Variants in BTBD9 observed in about 807,000 individuals in gnomAD.
BTBD9 encodes the protein BTB/POZ domain-containing protein 9.
Under a neutral mutation model 64.3 loss-of-function variants are expected in BTBD9, and 49 were observed. The ratio of observed to expected loss-of-function variants is 0.76; its 90% CI spans 0.61 to 0.97. The LOEUF (loss-of-function observed/expected upper bound fraction) is 0.97. Ranked by LOEUF, BTBD9 falls within the 50% of genes least tolerant of loss-of-function variation. The pLI, the probability that BTBD9 is intolerant of heterozygous loss-of-function variation, is 0.00. For missense variants in BTBD9, 598 were observed against 762.1 expected, an observed-to-expected ratio of 0.78 and a Z score of 2.53; for synonymous variants, 260 against 274.7, an observed-to-expected ratio of 0.95 and a Z score of 0.53.
At chr6:38,304,113 A>G (rs1299284876) in intron 7 of BTBD9, among the ~76,000 whole-genome samples, 2 of 151,776 alleles carry the variant, frequency 1.3e-5, no homozygotes, top group African/African-American at 2.4e-5. Flanking sequence ...ATGTATATAT[A>G]TCAGTGATAT....
chr6:38,224,611 T>C (rs1039694795), intron 9 of BTBD9, among the ~76,000 whole-genome samples: 1 of 152,112 alleles, frequency 6.6e-6, no homozygotes, highest in African/African-American at 2.4e-5. Flanking sequence ...AAACCACACA[T>C]GAAGAGTAAA....
rs1380387556 is a variant in BTBD9, at chr6:38,171,212, A to C, written c.*3773T>G. On this transcript the variant is annotated 3_prime_UTR_variant, in exon 11 of 11. Transcript: ENST00000481247. Reference sequence around the variant, plus strand: ...TATCTTCTAAATTAAAAAGAAGGTGAAGTTGACTGGGCTGGAGCCATCTGC... The same window carrying C: ...TATCTTCTAAATTAAAAAGAAGGTGCAGTTGACTGGGCTGGAGCCATCTGC... 3 of 152,220 alleles carry C rather than the reference A, an allele frequency of 2.0e-5. No individual in the cohort carries two copies. The highest frequency in any genetic ancestry group is 7.2e-5 in the African/African-American group (3 of 41,444). 9.4% of individuals were successfully genotyped at this position (152,220 alleles called of 1,614,324 possible). A position where few individuals can be genotyped will look rare whatever the true frequency, so the allele number is the denominator to read the frequency against.
Position 38,311,853 on chromosome 6 carries a change from C to T in BTBD9, c.1265-23392G>A, listed in dbSNP as rs60972986. 6.1e-3 allele frequency among the ~76,000 whole-genome samples: 922 copies of T among 151,976 alleles called. 9 individuals carry two copies. The highest frequency in any genetic ancestry group is 0.021 in the African/African-American group (873 of 41,496). On this transcript the variant is annotated intron_variant, in intron 7 of 10. Coordinates refer to ENST00000481247, the MANE Select transcript of BTBD9 (RefSeq NM_001099272.2). ...ATCAATAATTTAGAGTACCTGAGCACCTTTTCTTTTTTATTTTTATTTTTT... is the reference window on the plus strand; with the variant it reads ...ATCAATAATTTAGAGTACCTGAGCATCTTTTCTTTTTTATTTTTATTTTTT...
intron 7 of BTBD9, among the ~76,000 whole-genome samples, chr6:38,292,218 C>A (rs1761990303): frequency 6.6e-6 from 1 of 152,196 alleles, no homozygotes; most frequent in Non-Finnish European, 1.5e-5. Flanking sequence ...CCAGCCTCAG[C>A]CTCCCAAAGT....
intron 10 of BTBD9, among the ~76,000 whole-genome samples, chr6:38,177,706 GT>G (rs1561834909): frequency 1.3e-5 from 2 of 152,176 alleles, no homozygotes; most frequent in African/African-American, 2.4e-5. Context: ...CGGTGCCCTG[GT>G]TCTCATTGTT....
intron 1 of BTBD9, among the ~76,000 whole-genome samples, chr6:38,605,574 TC>T (rs1777404309): frequency 6.6e-6 from 1 of 152,146 alleles, no homozygotes; most frequent in Non-Finnish European, 1.5e-5. Context: ...TTAATTAAAT[TC>T]TCTCTCACAA....
chr6:38,312,793 C>G (rs73422833), intron 7 of BTBD9, among the ~76,000 whole-genome samples: 14,130 of 152,190 alleles, frequency 0.093, 1,577 homozygotes, highest in East Asian at 0.4. Flanking sequence ...GCACCATCCT[C>G]TTTTGGTTAC....
chr6:38,423,266 C>T (rs527695383), intron 6 of BTBD9, among the ~76,000 whole-genome samples: 3 of 151,912 alleles, frequency 2.0e-5, no homozygotes, highest in Admixed American at 6.6e-5. Context: ...CTCTGTCCCC[C>T]CCAAAAAATA....
intron 9 of BTBD9, among the ~76,000 whole-genome samples, chr6:38,231,010 C>T (rs1290779971): frequency 6.6e-6 from 1 of 152,198 alleles, no homozygotes; most frequent in African/African-American, 2.4e-5. Flanking sequence ...TCCTGTCTGC[C>T]TTGTTCAATG....
At chr6:38,188,856 C>T (rs781100894) in intron 10 of BTBD9, among the ~76,000 whole-genome samples, 9 of 152,182 alleles carry the variant, frequency 5.9e-5, no homozygotes, top group Admixed American at 1.3e-4. Flanking sequence ...CTGTCTCTCG[C>T]GAAGTGCACA....
At chr6:38,267,888 C>T (rs1341159455) in intron 8 of BTBD9, among the ~76,000 whole-genome samples, 3 of 152,064 alleles carry the variant, frequency 2.0e-5, no homozygotes, top group Admixed American at 6.5e-5. Flanking sequence ...TGCAGTGAGC[C>T]GAGATCGCAC....
intron 10 of BTBD9, among the ~76,000 whole-genome samples, chr6:38,186,798 T>C (rs546774975): frequency 6.6e-6 from 1 of 152,372 alleles, no homozygotes. Flanking sequence ...TGTAGGTTCT[T>C]GTGAGCAGAA....
At chr6:38,307,854 T>C (rs1762681018) in intron 7 of BTBD9, among the ~76,000 whole-genome samples, 1 of 152,194 alleles carries the variant, frequency 6.6e-6, no homozygotes, top group Non-Finnish European at 1.5e-5. Flanking sequence ...ATGCAAATTT[T>C]ATGAAGCTAT....
rs191827550 is a variant in BTBD9 at position 38,271,033 on chromosome 6, C to T, written c.1455-14517G>A. Among the ~76,000 whole-genome samples, 797 of 152,106 alleles carry T rather than the reference C, an allele frequency of 5.2e-3. 9 individuals are homozygous for T. Among genetic ancestry groups the T allele is most frequent in the African/African-American group, 0.018 (751 of 41,478 alleles). On this transcript the variant is annotated intron_variant, in intron 8 of 10. Coordinates refer to ENST00000481247, the MANE Select transcript of BTBD9 (RefSeq NM_001099272.2). The stretch of plus-strand genomic sequence containing the variant: ...CTATTTTTCCCTTTTAATTACAAAG[C>T]GATATATGATAAATCTTTGGCACTT...
intron 6 of BTBD9, among the ~76,000 whole-genome samples, chr6:38,555,405 C>T (rs1774969628): frequency 1.3e-5 from 2 of 152,116 alleles, no homozygotes; most frequent in South Asian, 4.1e-4. Flanking sequence ...CTTGAAATAA[C>T]GACCAAAATT....
intron 6 of BTBD9, among the ~76,000 whole-genome samples, chr6:38,568,854 T>C (rs72855127): frequency 1.7e-3 from 260 of 152,206 alleles, no homozygotes; most frequent in Non-Finnish European, 2.8e-3. Flanking sequence ...TCGCAGGGAG[T>C]CTTTTAATCT....
At chr6:38,394,971 A>T (rs1478645557) in intron 6 of BTBD9, among the ~76,000 whole-genome samples, 1 of 151,772 alleles carries the variant, frequency 6.6e-6, no homozygotes, top group Non-Finnish European at 1.5e-5. Flanking sequence ...GAGGGGAAAA[A>T]AAAAAGAAAA....
At chr6:38,178,745 G>GT (rs1761398014) in intron 10 of BTBD9, among the ~76,000 whole-genome samples, 1 of 151,116 alleles carries the variant, frequency 6.6e-6, no homozygotes, top group Non-Finnish European at 1.5e-5. Flanking sequence ...GCAGCAGGGT[G>GT]TGGGGGGGAG....
intron 6 of BTBD9, among the ~76,000 whole-genome samples, chr6:38,374,712 A>T (rs1459556792): frequency 6.6e-6 from 1 of 152,158 alleles, no homozygotes; most frequent in African/African-American, 2.4e-5. Context: ...ACCTTCAGAG[A>T]CAACTAACCC....
Sources: allele counts gnomAD v4.1 joint callset (sites outside exome capture counted in the v4.1 genomes callset), GRCh38; gene constraint gnomAD v4.1.1; transcripts MANE v1.5; gene names NCBI Gene and HGNC (gene_info 2026-07-23, HGNC 2026-07-21).